Variants in ATP6V1D observed in about 807,000 individuals in gnomAD.
ATP6V1D encodes the protein ATPase H+ transporting V1 subunit D.
Under a neutral mutation model 39.4 loss-of-function variants are expected in ATP6V1D, and 20 were observed. The observed-to-expected ratio is 0.51, with a 90% confidence interval of 0.36 to 0.74. The LOEUF is 0.74. Among genes scored for constraint, ATP6V1D ranks in the 30% least tolerant of loss-of-function variants. The pLI, the probability that ATP6V1D is intolerant of heterozygous loss-of-function variation, is 0.00. For synonymous variants in ATP6V1D, 100 were observed against 100.5 expected (o/e 0.99, Z 0.03); for missense variants, 228 against 291.6 (o/e 0.78, Z 1.59).
rs749319649 is a variant in ATP6V1D, at chr14:67,352,961, T to A, written c.121A>T (p.Thr41Ser). 2 of 1,613,644 alleles carry A rather than the reference T, an allele frequency of 1.2e-6. No homozygotes were observed. The highest frequency in any genetic ancestry group is 4.5e-5 in the East Asian group (2 of 44,864). The change falls in exon 2 of 9, where the codon ACT becomes TCT. Residue 41 changes from threonine (T) to serine (S), a missense_variant. Physicochemically the swap from Thr to Ser is moderately conservative, Grantham distance 58 (BLOSUM62 1). Transcript: ENST00000216442. ...TTTAGGATCTGTCGAAATCGAAGAGTTAAGGCATCAGATTTTTTCTTCAGG... is the reference window on the plus strand; with the variant it reads ...TTTAGGATCTGTCGAAATCGAAGAGATAAGGCATCAGATTTTTTCTTCAGG... ...NLLKKKSDALTLRFRQILKKI... is the reference protein window; with the variant it reads ...NLLKKKSDALSLRFRQILKKI...
intron 4 of ATP6V1D, 22 bp from the exon 5 acceptor site, chr14:67,347,475 A>C (rs1362531782): frequency 6.4e-7 from 1 of 1,572,032 alleles, no homozygotes; most frequent in Admixed American, 1.8e-5. Flanking sequence ...AGAAGCATAC[A>C]TGGATTCATA....
rs1595636974 is a variant in ATP6V1D at position 67,350,774 on chromosome 14, A to AT, written c.160-85dup. 3.0e-6 allele frequency: 4 copies of AT among 1,314,230 alleles called. No individual in the cohort carries two copies. The East Asian group carries it at 9.7e-5, about 32-fold the overall frequency. 81.4% of individuals were successfully genotyped at this position (1,314,230 alleles called of 1,614,324 possible). A position where few individuals can be genotyped will look rare whatever the true frequency, so the allele number is the denominator to read the frequency against. On this transcript the variant is annotated intron_variant, in intron 2 of 8. Transcript: ENST00000216442. ...TCATAATTATGTTCCTTTAATAACC[A>AT]TCAGTATTTTATGCTGGCTGTGCAT... is the stretch of plus-strand genomic sequence containing the variant.
intron 1 of ATP6V1D, among the ~76,000 whole-genome samples, chr14:67,357,513 C>T (rs948675086): frequency 6.6e-6 from 1 of 152,204 alleles, no homozygotes; most frequent in African/African-American, 2.4e-5. Flanking sequence ...ATGAGCCTAT[C>T]ATTTTCTTAC....
chr14:67,355,078 C>G (rs2085676833), intron 1 of ATP6V1D, among the ~76,000 whole-genome samples: 1 of 152,122 alleles, frequency 6.6e-6, no homozygotes, highest in Non-Finnish European at 1.5e-5. Context: ...TCACAAAGTG[C>G]TAGGATTACA....
intron 1 of ATP6V1D, among the ~76,000 whole-genome samples, chr14:67,355,449 C>CA (rs564931669): frequency 0.16 from 3,081 of 18,948 alleles, 843 homozygotes; most frequent in Non-Finnish European, 0.25. Context: ...GACCCTGTCT[C>CA]AAAAAAAAAA....
At chr14:67,355,876 G>A (rs72717399) in intron 1 of ATP6V1D, among the ~76,000 whole-genome samples, 5,247 of 151,946 alleles carry the variant, frequency 0.035, 113 homozygotes, top group East Asian at 0.06. Flanking sequence ...AGGGCACACC[G>A]GTAATCCCAT....
rs367698541 is a variant in ATP6V1D at position 67,347,464 on chromosome 14, C to A, written c.308-11G>T. The A allele has an allele frequency of 4.4e-6, 7 of 1,592,492 alleles. No homozygotes were observed. The highest frequency in any genetic ancestry group is 6.0e-6 in the Non-Finnish European group (7 of 1,164,090). On this transcript the variant is annotated splice_polypyrimidine_tract_variant and intron_variant, in intron 4 of 8. Transcript: ENST00000216442. ...CTGGCAAAGTAACACCTGTTAAACA[C>A]AGAAGCATACATGGATTCATAAACC...
At chr14:67,343,551 T>A in intron 6 of ATP6V1D, 113 bp from the exon 7 acceptor site, 1 of 787,964 alleles carries the variant, frequency 1.3e-6, no homozygotes, top group Non-Finnish European at 2.0e-6. Context: ...CAAGACAACT[T>A]CTTTTTGGCA....
At chr14:67,342,693 TTAA>T (rs2085594249) in intron 7 of ATP6V1D, among the ~76,000 whole-genome samples, 1 of 150,518 alleles carries the variant, frequency 6.6e-6, no homozygotes, top group African/African-American at 2.4e-5. Flanking sequence ...AATATAACAG[TTAA>T]TATATTTCTA....
intron 6 of ATP6V1D, among the ~76,000 whole-genome samples, 196 bp from the exon 7 acceptor site, chr14:67,343,634 G>A (rs78549614): frequency 0.019 from 2,966 of 152,334 alleles, 38 homozygotes; most frequent in Middle Eastern, 0.034. Flanking sequence ...GGAGGCTGAG[G>A]TGGGAGAATC....
At chr14:67,348,207 T>C (rs1013072701) in intron 4 of ATP6V1D, among the ~76,000 whole-genome samples, 12 of 152,060 alleles carry the variant, frequency 7.9e-5, no homozygotes, top group African/African-American at 2.9e-4. Context: ...CTCAAGTAGC[T>C]GGGATTACAG....
At chr14:67,340,243 C>T (rs78017417) in intron 8 of ATP6V1D, 197 bp downstream of exon 8, 6,833 of 498,336 alleles carry the variant, frequency 0.014, 73 homozygotes, top group Middle Eastern at 0.019. Context: ...TTGGAAATGC[C>T]ATGTTATAGG....
chr14:67,350,375 C>G (rs997892063), intron 3 of ATP6V1D, among the ~76,000 whole-genome samples: 4 of 151,974 alleles, frequency 2.6e-5, no homozygotes, highest in African/African-American at 9.7e-5. Flanking sequence ...TATGATACAA[C>G]GTTAAATGAA....
In ATP6V1D at chr14:67,356,447, AC is replaced by A. The variant is rs1460966614; in HGVS notation, c.41+3210del. 5.2e-3 allele frequency among the ~76,000 whole-genome samples: 731 copies of A among 140,836 alleles called. 4 individuals are homozygous for A. The highest frequency in any genetic ancestry group is 0.02 in the African/African-American group (697 of 34,440). 92.4% of individuals were successfully genotyped at this position (140,836 alleles called of 152,430 possible). Reference sequence around the variant, plus strand: ...AAAAAACAAAAACAAAAAAAAAAAAACAAAAACAAACAAACACCATTTGGCC... The same window carrying A: ...AAAAAACAAAAACAAAAAAAAAAAAAAAAAACAAACAAACACCATTTGGCC... On this transcript the variant is annotated intron_variant, in intron 1 of 8. Transcript: ENST00000216442.
intron 2 of ATP6V1D, 200 bp downstream of exon 2, chr14:67,352,723 T>C: frequency 2.1e-6 from 1 of 479,150 alleles, no homozygotes; most frequent in South Asian, 3.1e-5. Context: ...TCAGATCAAG[T>C]GGAGCTTTGC....
intron 7 of ATP6V1D, among the ~76,000 whole-genome samples, chr14:67,341,922 A>G (rs1014334790): frequency 6.6e-6 from 1 of 151,886 alleles, no homozygotes; most frequent in Non-Finnish European, 1.5e-5. Context: ...TGCTGTGTCC[A>G]CTCAGGGTTA....
At chr14:67,359,575 C>G in intron 1 of ATP6V1D, 83 bp downstream of exon 1, 1 of 1,486,222 alleles carries the variant, frequency 6.7e-7, no homozygotes, top group South Asian at 1.1e-5. Flanking sequence ...AAACAAGGAC[C>G]CTCACTGTGG....
At position 67,359,780 on chromosome 14, in the gene ATP6V1D, T is replaced by C; in HGVS notation, c.-82A>G. The stretch of plus-strand genomic sequence containing the variant: ...TCCAGAACTGGCCTCCACAGTGTCT[T>C]CCTCTACGGGAGTCAGCTGGTTGTG... On this transcript the variant is annotated 5_prime_UTR_variant, in exon 1 of 9. Coordinates refer to ENST00000216442, the MANE Select transcript of ATP6V1D (RefSeq NM_015994.4). The C allele has an allele frequency of 6.6e-7, 1 of 1,525,754 alleles. No individual in the cohort carries two copies. The highest frequency in any genetic ancestry group is 1.1e-5 in the South Asian group (1 of 88,884). 94.5% of individuals were successfully genotyped at this position (1,525,754 alleles called of 1,614,324 possible). A position where few individuals can be genotyped will look rare whatever the true frequency, so the allele number is the denominator to read the frequency against.
intron 1 of ATP6V1D, among the ~76,000 whole-genome samples, chr14:67,358,626 G>A (rs1454370032): frequency 6.6e-6 from 1 of 152,176 alleles, no homozygotes; most frequent in African/African-American, 2.4e-5. Context: ...CTTGAGCCCA[G>A]GGGTTTGAGG....
Sources: allele counts gnomAD v4.1 joint callset (sites outside exome capture counted in the v4.1 genomes callset), GRCh38; gene constraint gnomAD v4.1.1; transcripts MANE v1.5; gene names NCBI Gene and HGNC (gene_info 2026-07-23, HGNC 2026-07-21).